Variants in KLK4 observed in about 807,000 individuals in gnomAD.
KLK4 encodes kallikrein related peptidase 4, also known as kallikrein-4.
In KLK4, 24 loss-of-function variants were observed where a neutral mutation model predicts 24.3. That is an observed-to-expected ratio of 0.99 (90% CI 0.72 to 1.39). The LOEUF (loss-of-function observed/expected upper bound fraction) is 1.39, where lower values mean the gene tolerates loss of function less well. Ranked by LOEUF, KLK4 falls within the 40% of genes most tolerant of loss-of-function variation. The pLI is 0.00. For synonymous variants in KLK4, 142 were observed against 138.8 expected (o/e 1.02, Z -0.16); for missense variants, 344 against 327.4 (o/e 1.05, Z -0.39).
At chr19:50,909,485 A>T (rs964635727) in intron 2 of KLK4, 71 bp from the exon 3 acceptor site, 512 of 1,515,882 alleles carry the variant, frequency 3.4e-4, no homozygotes, top group Admixed American at 6.9e-4. Context: ...GGGCTTACCG[A>T]GCAGGGGCGT....
Position 50,910,069 on chromosome 19 carries a change from A to ATT in KLK4, c.61+608_61+609insAA. 6.6e-6 allele frequency among the ~76,000 whole-genome samples: 1 copy of ATT among 152,080 alleles called. No individual in the cohort carries two copies. Among genetic ancestry groups the ATT allele is most frequent in the South Asian group, 2.1e-4 (1 of 4,812 alleles). On this transcript the variant is annotated intron_variant, in intron 2 of 5. Coordinates refer to ENST00000324041, the Ensembl canonical transcript of KLK4. The surrounding 1 kb of genome is among the most constrained non-coding windows in gnomAD (Gnocchi z 4.4). ...GTTCAACAGAGGAGTCTAGGCTCAT[A>ATT]GCAGTAGGATCGGGTCCTTCGGGGT...
At chr19:50,909,189 G>A in intron 3 of KLK4, 63 bp downstream of exon 3, 1 of 1,612,850 alleles carries the variant, frequency 6.2e-7, no homozygotes, top group Non-Finnish European at 8.5e-7. Flanking sequence ...CCCAAGATGA[G>A]CCTGATATTA....
rs2090482769 is a variant in KLK4 at position 50,910,878 on chromosome 19, C to T, written c.-11-129G>A. 5.2e-6 allele frequency: 4 copies of T among 764,996 alleles called. No homozygotes were observed. The highest frequency in any genetic ancestry group is 3.5e-4 in the Middle Eastern group (1 of 2,886). 47.4% of individuals were successfully genotyped at this position (764,996 alleles called of 1,614,324 possible). A position where few individuals can be genotyped will look rare whatever the true frequency, so the allele number is the denominator to read the frequency against. On this transcript the variant is annotated intron_variant, in intron 1 of 5. Coordinates refer to ENST00000324041, the Ensembl canonical transcript of KLK4. This position sits in a 1 kb window ranked among gnomAD's most constrained non-coding sequence, Gnocchi z 4.4. ...GTAGGCAAGAGCCTAGACCATCTACCCCCTCTCCCATCCATGGACCCAGAA... is the reference window on the plus strand; with the variant it reads ...GTAGGCAAGAGCCTAGACCATCTACTCCCTCTCCCATCCATGGACCCAGAA...
At chr19:50,908,658 G>A in exon 4 of KLK4, 1 of 1,614,224 alleles carries the variant, frequency 6.2e-7, no homozygotes, top group Non-Finnish European at 8.5e-7. Flanking sequence ...TGATGCTCCG[G>A]ATGGTGTCAG....
chr19:50,908,406 T>A, exon 5 of KLK4: 1 of 1,614,070 alleles, frequency 6.2e-7, no homozygotes, highest in Non-Finnish European at 8.5e-7. Flanking sequence ...CAGAACATGC[T>A]GGGGTGGTAC....
intron 5 of KLK4, chr19:50,907,972 T>C: frequency 3.0e-6 from 1 of 338,214 alleles, no homozygotes. Flanking sequence ...ATAAAACGTA[T>C]GCATAAATCG....
exon 6 of KLK4, chr19:50,906,932 A>G (rs758068718): frequency 1.2e-6 from 2 of 1,614,098 alleles, no homozygotes; most frequent in Non-Finnish European, 8.5e-7. Context: ...CAGTCCCCAG[A>G]GTTAACTGGC....
intron 5 of KLK4, chr19:50,907,930 A>C (rs1295719334): frequency 1.4e-5 from 4 of 283,198 alleles, no homozygotes; most frequent in Admixed American, 9.9e-5. Flanking sequence ...TAGAAATATC[A>C]AAAAATTCCA....
exon 4 of KLK4, chr19:50,908,804 G>C (rs775770304): frequency 1.9e-6 from 3 of 1,613,252 alleles, no homozygotes. Context: ...TCAAGACTGT[G>C]CAGGCCCAGC....
chr19:50,906,507 GAC>G (rs2090430541), exon 6 of KLK4: 1 of 237,388 alleles, frequency 4.2e-6, no homozygotes. Flanking sequence ...GAGGGGCTGG[GAC>G]CTGGACCTCT....
intron 5 of KLK4, chr19:50,908,010 C>G: frequency 2.5e-6 from 1 of 403,754 alleles, no homozygotes; most frequent in Non-Finnish European, 4.7e-6. Flanking sequence ...TAAGGCTCCC[C>G]GTCAACAGTA....
exon 5 of KLK4, chr19:50,908,402 A>T: frequency 6.2e-7 from 1 of 1,613,948 alleles, no homozygotes. Flanking sequence ...GGCGCAGAAC[A>T]TGCTGGGGTG....
Position 50,908,565 on chromosome 19 carries a change from A to T in KLK4, c.475+14T>A. ...ACCTCCTTGAAGAGGGCAGACACACACCCGTGAGCTCACCGTTCGCCAGCA... is the reference window on the plus strand; with the variant it reads ...ACCTCCTTGAAGAGGGCAGACACACTCCCGTGAGCTCACCGTTCGCCAGCA... On this transcript the variant is annotated intron_variant, in intron 4 of 5. Transcript: ENST00000324041. 1 of 1,614,106 alleles carries T rather than the reference A, an allele frequency of 6.2e-7. No homozygotes were observed. The highest frequency in any genetic ancestry group is 8.5e-7 in the Non-Finnish European group (1 of 1,180,020).
chr19:50,909,066 G>C (rs891929016), intron 3 of KLK4, 186 bp downstream of exon 3: 67 of 1,480,540 alleles, frequency 4.5e-5, no homozygotes, highest in Admixed American at 1.5e-4. Context: ...AGGACTCTCT[G>C]AGTCCTTCCG....
At chr19:50,908,246 T>C (rs2090450776) in intron 5 of KLK4, 113 bp downstream of exon 5, 1 of 1,239,364 alleles carries the variant, frequency 8.1e-7, no homozygotes, top group Non-Finnish European at 1.2e-6. Context: ...GTTGTCACTG[T>C]CTCCCTGTGT....
exon 6 of KLK4, chr19:50,907,059 T>G (rs761573678): frequency 6.2e-7 from 1 of 1,614,142 alleles, no homozygotes; most frequent in South Asian, 1.1e-5. Flanking sequence ...AAGTACCCGT[T>G]GCAGATCAGG....
intron 3 of KLK4, 111 bp from the exon 4 acceptor site, chr19:50,908,940 G>A: frequency 6.5e-7 from 1 of 1,541,086 alleles, no homozygotes; most frequent in East Asian, 2.4e-5. Flanking sequence ...CACCCTCTTC[G>A]CTAAACACCC....
intron 5 of KLK4, among the ~76,000 whole-genome samples, chr19:50,907,388 C>T (rs903729389): frequency 6.7e-6 from 1 of 148,544 alleles, no homozygotes. Context: ...AGTGTCTCTG[C>T]ATCTCTTTGT....
At chr19:50,909,389 G>T in exon 3 of KLK4, 1 of 1,614,158 alleles carries the variant, frequency 6.2e-7, no homozygotes, top group Non-Finnish European at 8.5e-7. Context: ...TTATGATTTG[G>T]CTGCAGCTAC....
Sources: gnomAD v4.1 joint callset for allele counts (sites outside exome capture counted in the v4.1 genomes callset) on GRCh38, gnomAD v4.1.1 for gene constraint, Gnocchi (gnomAD v3.1) non-coding constraint, MANE v1.5 for transcripts, NCBI Gene and HGNC (gene_info 2026-07-23, HGNC 2026-07-21) for gene names.